Variants in AAMP observed in about 807,000 individuals in gnomAD.
AAMP encodes the protein angio associated migratory cell protein.
AAMP carries 12 observed loss-of-function variants against 51.1 expected under a neutral mutation model. The ratio of observed to expected loss-of-function variants is 0.23; its 90% confidence interval spans 0.15 to 0.38. AAMP has a LOEUF of 0.38. AAMP is among the 10% of genes least tolerant of loss of function. The pLI is 1.00. For synonymous variants in AAMP, 210 were observed against 218.7 expected (o/e 0.96, Z 0.35); for missense variants, 418 against 557.2 (o/e 0.75, Z 2.52).
rs1325225154 is a variant in AAMP at position 218,264,327 on chromosome 2, C to A, written c.*206G>T. The A allele has an allele frequency of 5.2e-6, 3 of 580,544 alleles. No homozygotes were observed. The highest frequency in any genetic ancestry group is 9.2e-6 in the Non-Finnish European group (3 of 324,948). 36.0% of individuals were successfully genotyped at this position (580,544 alleles called of 1,614,324 possible). ...TCCACCCCTCCCTCTGAAGGGCCCA[C>A]CAGGTCTGGACAAGGGTGGGAGGGC... On this transcript the variant is annotated 3_prime_UTR_variant, in exon 11 of 11. Coordinates refer to ENST00000248450, the MANE Select transcript of AAMP (RefSeq NM_001087.5).
chr2:218,264,663 A>G, intron 10 of AAMP, 55 bp from the exon 11 acceptor site: 1 of 1,519,798 alleles, frequency 6.6e-7, no homozygotes, highest in South Asian at 1.1e-5. Context: ...CCCACCACCT[A>G]GGGGCCCTAG....
intron 2 of AAMP, among the ~76,000 whole-genome samples, chr2:218,268,522 A>G (rs1690690432): frequency 6.7e-6 from 1 of 150,346 alleles, no homozygotes; most frequent in Non-Finnish European, 1.5e-5. Flanking sequence ...TTTTATTTTT[A>G]GTAGAGATGA....
Position 218,266,892 on chromosome 2 carries a change from C to A in AAMP, c.489G>T (p.Val163=). ...DMSGLLKVWQ[V]DTKEEVWSFE... ...AGGACCAGACCTCCTCCTTAGTGTC[C>A]ACCTGCCACACTTTCAAGAGGCCAC... is the stretch of plus-strand genomic sequence containing the variant. Residue 163 remains valine, a synonymous_variant, in exon 4 of 11, where the codon GTG becomes GTT. Transcript: ENST00000248450. The surrounding 1 kb of genome is among the most constrained non-coding windows in gnomAD (Gnocchi z 4.7). The A allele has an allele frequency of 1.2e-6, 2 of 1,614,172 alleles. No individual in the cohort carries two copies. The highest frequency in any genetic ancestry group is 1.7e-6 in the Non-Finnish European group (2 of 1,180,032).
rs1052427573 is a variant in AAMP, at chr2:218,266,237, G to A, written c.680-90C>T. The A allele has an allele frequency of 1.4e-6, 2 of 1,383,150 alleles. No individual in the cohort carries two copies. The highest frequency in any genetic ancestry group is 2.0e-6 in the Non-Finnish European group (2 of 978,998). The allele number at this position is 1,383,150 out of a possible 1,614,324, so 85.7% of individuals were successfully genotyped here. ...GGGAGAGGGAGAGGAAAGAAGAGTG[G>A]AAGGGCCCAGACACTGCCCCAGGAA... On this transcript the variant is annotated intron_variant, in intron 5 of 10. Transcript: ENST00000248450. The surrounding 1 kb of genome is among the most constrained non-coding windows in gnomAD (Gnocchi z 4.7).
chr2:218,270,028 C>T lies in AAMP; in HGVS notation c.59G>A (p.Ser20Asn). 1 of 1,614,182 alleles carries T rather than the reference C, an allele frequency of 6.2e-7. No individual in the cohort carries two copies. The highest frequency in any genetic ancestry group is 8.5e-7 in the Non-Finnish European group (1 of 1,180,026). The change falls in exon 1 of 11, where the codon AGC (serine) becomes AAC (asparagine). Residue 20 changes from serine to asparagine, a missense_variant. By Grantham distance (46) the Ser-to-Asn change is conservative (BLOSUM62 1). Transcript: ENST00000248450. ...GATAATCTCTTCATCACCATGGAAG[C>T]TTAGGGTCTCCAGTGGGGGGGTGTC... ...AADTPPLETL[S>N]FHGDEEIIEV... is the part of the protein sequence containing the mutation.
chr2:218,265,991 C>T lies in AAMP; in HGVS notation c.764-45G>A. On this transcript the variant is annotated intron_variant, in intron 6 of 10. Coordinates refer to ENST00000248450, the MANE Select transcript of AAMP (RefSeq NM_001087.5). The surrounding 1 kb of genome is among the most constrained non-coding windows in gnomAD (Gnocchi z 6.6). ...CAGCTCAGGCTTCGTCCTACCTCCC[C>T]TCTGAGTCCTGCCCCAGGTTCTCAG... The T allele has an allele frequency of 6.2e-6, 10 of 1,608,286 alleles. No individual in the cohort carries two copies. Among genetic ancestry groups the T allele is most frequent in the Non-Finnish European group, 8.5e-6 (10 of 1,175,522 alleles).
rs750061853 is a variant in AAMP, at chr2:218,267,536, C to T, written c.352G>A (p.Val118Ile). ...VTGGEDDKAF[V>I]WRLSDGELLF... ...AGCTCCCCATCGCTGAGCCGCCATACGAAGGCTTTGTCATCTTCACCCCCG... is the reference window on the plus strand; with the variant it reads ...AGCTCCCCATCGCTGAGCCGCCATATGAAGGCTTTGTCATCTTCACCCCCG... Residue 118 changes from valine to isoleucine, a missense_variant, in exon 3 of 11, where the codon GTA becomes ATA. By Grantham distance (29) the Val-to-Ile change is conservative (BLOSUM62 3). Coordinates refer to ENST00000248450, the MANE Select transcript of AAMP (RefSeq NM_001087.5). The surrounding 1 kb of genome is among the most constrained non-coding windows in gnomAD (Gnocchi z 4.6). The T allele has an allele frequency of 8.1e-6, 13 of 1,614,080 alleles. No homozygotes were observed. The highest frequency in any genetic ancestry group is 2.2e-5 in the East Asian group (1 of 44,894).
At chr2:218,268,505 AT>A (rs911585048) in intron 2 of AAMP, among the ~76,000 whole-genome samples, 58 of 148,012 alleles carry the variant, frequency 3.9e-4, no homozygotes, top group Admixed American at 3.2e-3. Context: ...CACCCAGCTA[AT>A]TTTTTTTTTA....
Position 218,264,600 on chromosome 2 carries a change from G to A in AAMP, c.1238C>T (p.Ser413Phe). ...ILDFALSKDA[S>F]LVVTTSGDHK... ...GTCTCCTGACGTGGTCACCACCAGG[G>A]AGGCATCTCTGTAAACAGAAAGCAT... The change falls in exon 11 of 11, where the codon TCC (serine) becomes TTC (phenylalanine). Residue 413 changes from serine (S) to phenylalanine (F), a missense_variant. Ser to Phe is a radical substitution (Grantham distance 155, BLOSUM62 -2). Coordinates refer to ENST00000248450, the MANE Select transcript of AAMP (RefSeq NM_001087.5). 6.2e-7 allele frequency: 1 copy of A among 1,614,096 alleles called. No individual in the cohort carries two copies. The highest frequency in any genetic ancestry group is 8.5e-7 in the Non-Finnish European group (1 of 1,179,924).
chr2:218,266,761 G>A lies in AAMP; in HGVS notation c.534+86C>T, dbSNP rs746268633. The stretch of plus-strand genomic sequence containing the variant: ...CGCATTGGCTCAGAGCTGGCTTGGC[G>A]CAATAAAGGCAGAACTGGCCTCCCA... On this transcript the variant is annotated intron_variant, in intron 4 of 10. Coordinates refer to ENST00000248450, the MANE Select transcript of AAMP (RefSeq NM_001087.5). The surrounding 1 kb of genome is among the most constrained non-coding windows in gnomAD (Gnocchi z 4.7). The A allele has an allele frequency of 6.7e-5, 106 of 1,586,218 alleles. No homozygotes were observed. Among genetic ancestry groups the A allele is most frequent in the African/African-American group, 1.2e-4 (9 of 74,288 alleles).
intron 1 of AAMP, 49 bp from the exon 2 acceptor site, chr2:218,269,583 G>A (rs1213103327): frequency 1.9e-6 from 3 of 1,613,598 alleles, no homozygotes; most frequent in East Asian, 2.2e-5. Flanking sequence ...GCGGTAAGAG[G>A]TACGGAGAGA....
chr2:218,266,675 C>A lies in AAMP; in HGVS notation c.535-88G>T. 3 of 1,560,782 alleles carry A rather than the reference C, an allele frequency of 1.9e-6. No individual in the cohort carries two copies. Among genetic ancestry groups the A allele is most frequent in the South Asian group, 2.4e-5 (2 of 84,312 alleles). The stretch of plus-strand genomic sequence containing the variant: ...CATGAGCTCCACCCAAGGTTTCCTG[C>A]CTCTGGGGTTCCGCGGGGACTTTCC... On this transcript the variant is annotated intron_variant, in intron 4 of 10. Coordinates refer to ENST00000248450, the MANE Select transcript of AAMP (RefSeq NM_001087.5). The surrounding 1 kb of genome is among the most constrained non-coding windows in gnomAD (Gnocchi z 4.7).
chr2:218,268,851 A>C (rs1340176513), intron 2 of AAMP, among the ~76,000 whole-genome samples: 1 of 151,818 alleles, frequency 6.6e-6, no homozygotes, highest in Non-Finnish European at 1.5e-5. Flanking sequence ...GGCGCCCGCT[A>C]CCACGCCCAG....
At position 218,265,474 on chromosome 2, in the gene AAMP, G is replaced by A; in HGVS notation, c.984-13C>T. ...TGCCAGGGGCATCCTGGCCAGAGGA[G>A]CGTACCATGAAGACTCATGAGGGCC... is the stretch of plus-strand genomic sequence containing the variant. On this transcript the variant is annotated splice_polypyrimidine_tract_variant and intron_variant, in intron 8 of 10. Transcript: ENST00000248450. The surrounding 1 kb of genome is among the most constrained non-coding windows in gnomAD (Gnocchi z 6.6). 1 of 1,575,860 alleles carries A rather than the reference G, an allele frequency of 6.3e-7. No homozygotes were observed. Among genetic ancestry groups the A allele is most frequent in the South Asian group, 1.1e-5 (1 of 87,972 alleles).
chr2:218,268,717 G>A (rs1307904267), intron 2 of AAMP, among the ~76,000 whole-genome samples: 1 of 97,004 alleles, frequency 1.0e-5, no homozygotes, highest in Non-Finnish European at 2.2e-5. Context: ...TTTTTTTTTG[G>A]AGACAGACTC....
At position 218,266,550 on chromosome 2, in the gene AAMP, G is replaced by A. The variant is rs765656575; in HGVS notation, c.572C>T (p.Ala191Val). 29 of 1,613,522 alleles carry A rather than the reference G, an allele frequency of 1.8e-5. No individual in the cohort carries two copies. The Admixed American group carries it at 2.3e-4, about 13-fold the overall frequency. The change falls in exon 5 of 11, where the codon GCG becomes GTG. Residue 191 changes from alanine (A) to valine (V), a missense_variant. By Grantham distance (64) the Ala-to-Val change is moderately conservative. Transcript: ENST00000248450. This position sits in a 1 kb window ranked among gnomAD's most constrained non-coding sequence, Gnocchi z 4.7. ...EWHPRAPVLL[A>V]GTADGNTWMW... Reference sequence around the variant, plus strand: ...CCAGGTGTTGCCGTCAGCTGTGCCCGCCAACAGGACAGGTGCCCGAGGATG... The same window carrying A: ...CCAGGTGTTGCCGTCAGCTGTGCCCACCAACAGGACAGGTGCCCGAGGATG...
Position 218,269,509 on chromosome 2 carries a change from A to G in AAMP, c.147T>C (p.Asp49=). 6.2e-7 allele frequency: 1 copy of G among 1,613,958 alleles called. No homozygotes were observed. The highest frequency in any genetic ancestry group is 1.1e-5 in the South Asian group (1 of 91,062). Residue 49 remains aspartate, a synonymous_variant, in exon 2 of 11, where the codon GAT becomes GAC. Transcript: ENST00000248450. ...DPDDLAQEME[D]VDFEEEEEEE... ...CCTCCTCTTCTTCCTCAAAGTCCAC[A>G]TCTTCCATCTCCTGGGCCAGGTCAT...
chr2:218,269,330 T>A, intron 2 of AAMP, 52 bp downstream of exon 2: 1 of 1,609,048 alleles, frequency 6.2e-7, no homozygotes, highest in Non-Finnish European at 8.5e-7. Context: ...TGATGTTTAA[T>A]GCTTACACGC....
At position 218,266,850 on chromosome 2, in the gene AAMP, C is replaced by T; in HGVS notation, c.531G>A (p.Leu177=). Reference sequence around the variant, plus strand: ...ACTCCCGCTCTGATGATCTTACCTCCAGGTCTCCCGCTTCAAAGGACCAGA... The same window carrying T: ...ACTCCCGCTCTGATGATCTTACCTCTAGGTCTCCCGCTTCAAAGGACCAGA... ...EEVWSFEAGD[L]EWMEWHPRAP... The change falls in exon 4 of 11, where the codon CTG becomes CTA. Residue 177 remains leucine, a synonymous_variant. Coordinates refer to ENST00000248450, the MANE Select transcript of AAMP (RefSeq NM_001087.5). This position sits in a 1 kb window ranked among gnomAD's most constrained non-coding sequence, Gnocchi z 4.7. 6.2e-7 allele frequency: 1 copy of T among 1,614,120 alleles called. No individual in the cohort carries two copies. The highest frequency in any genetic ancestry group is 8.5e-7 in the Non-Finnish European group (1 of 1,180,020).
Sources: allele counts gnomAD v4.1 joint callset (sites outside exome capture counted in the v4.1 genomes callset), GRCh38; gene constraint gnomAD v4.1.1; non-coding constraint Gnocchi (gnomAD v3.1); transcripts MANE v1.5; gene names NCBI Gene and HGNC (gene_info 2026-07-23, HGNC 2026-07-21).